Variants in TCERG1L observed in about 807,000 individuals in gnomAD.
TCERG1L encodes transcription elongation regulator 1-like protein.
Under a neutral mutation model 56.3 loss-of-function variants are expected in TCERG1L, and 37 were observed. The observed-to-expected ratio is 0.66, with a 90% CI of 0.51 to 0.87. The LOEUF (loss-of-function observed/expected upper bound fraction) is 0.87, where lower values mean the gene tolerates loss of function less well. Ranked by LOEUF, TCERG1L falls within the 40% of genes least tolerant of loss-of-function variation. The pLI is 0.00. For synonymous variants in TCERG1L, 324 were observed against 326.3 expected (o/e 0.99, Z 0.08); for missense variants, 799 against 774.2 (o/e 1.03, Z -0.38).
chr10:131,232,736 C>T (rs34560759), intron 4 of TCERG1L, among the ~76,000 whole-genome samples: 9,138 of 152,236 alleles, frequency 0.06, 352 homozygotes, highest in Middle Eastern at 0.15. Context: ...GCACAAAACC[C>T]TCCCCTCCTT....
In TCERG1L at chr10:131,105,083, C is replaced by T. The variant is rs1303128144; in HGVS notation, c.1396-729G>A. 3.3e-5 allele frequency among the ~76,000 whole-genome samples: 5 copies of T among 152,346 alleles called. No individual in the cohort carries two copies. The East Asian group carries it at 5.8e-4, about 18-fold the overall frequency. On this transcript the variant is annotated intron_variant, in intron 9 of 11. Coordinates refer to ENST00000368642, the MANE Select transcript of TCERG1L (RefSeq NM_174937.4). Reference sequence around the variant, plus strand: ...TGACAGGGTCTCAGATGGCCCTTGCCGTTGATGACCTTGATGGTTTGAGGA... The same window carrying T: ...TGACAGGGTCTCAGATGGCCCTTGCTGTTGATGACCTTGATGGTTTGAGGA...
chr10:131,238,389 A>G (rs1296749573), intron 4 of TCERG1L, among the ~76,000 whole-genome samples: 1 of 152,206 alleles, frequency 6.6e-6, no homozygotes, highest in African/African-American at 2.4e-5. Flanking sequence ...TGTAACACGC[A>G]GGGCGGGGGT....
At chr10:131,104,381 C>T (rs766912944) in intron 9 of TCERG1L, 27 bp from the exon 10 acceptor site, 16 of 1,464,174 alleles carry the variant, frequency 1.1e-5, no homozygotes, top group Non-Finnish European at 1.5e-5. Context: ...AATAGAGTTG[C>T]TGTTAGCGTC....
Position 131,275,883 on chromosome 10 carries a change from G to A in TCERG1L, c.671-15439C>T, listed in dbSNP as rs1458708224. ...TGGAGATCCAGCACAAGGTCTGGAC[G>A]TGGACGCCTGGGCATGACAACGTGC... On this transcript the variant is annotated intron_variant, in intron 3 of 11. Transcript: ENST00000368642. Among the ~76,000 whole-genome samples the A allele has an allele frequency of 5.3e-5, 8 of 152,286 alleles. No homozygotes were observed. In the East Asian group the frequency reaches 9.7e-4, roughly 18 times the overall value.
chr10:131,236,480 G>A (rs535625805), intron 4 of TCERG1L, among the ~76,000 whole-genome samples: 36 of 152,324 alleles, frequency 2.4e-4, no homozygotes, highest in African/African-American at 8.2e-4. Context: ...CAGGGTCACC[G>A]TGCCCTGTGG....
chr10:131,257,521 A>T (rs1045501508), intron 4 of TCERG1L, among the ~76,000 whole-genome samples: 4 of 152,228 alleles, frequency 2.6e-5, no homozygotes, highest in African/African-American at 7.2e-5. Flanking sequence ...GTAGTGCCAC[A>T]TTAACTCTCC....
At chr10:131,309,407 A>G in intron 1 of TCERG1L, 108 bp from the exon 2 acceptor site, 2 of 1,388,014 alleles carry the variant, frequency 1.4e-6, no homozygotes, top group Middle Eastern at 1.9e-4. Flanking sequence ...TTCAAAATGT[A>G]TGTATTTGAT....
At chr10:131,117,581 C>G (rs1845472158) in intron 8 of TCERG1L, among the ~76,000 whole-genome samples, 1 of 152,194 alleles carries the variant, frequency 6.6e-6, no homozygotes, top group Non-Finnish European at 1.5e-5. Context: ...TGCCAAGGCC[C>G]CGGACACTGT....
intron 3 of TCERG1L, among the ~76,000 whole-genome samples, chr10:131,280,320 C>A (rs1157841189): frequency 1.6e-4 from 23 of 144,536 alleles, no homozygotes; most frequent in Middle Eastern, 4.3e-3. Flanking sequence ...GGCCCTAAGC[C>A]ATTCCCAGCT....
chr10:131,126,459 C>T (rs1378077225), intron 8 of TCERG1L, among the ~76,000 whole-genome samples: 1 of 152,200 alleles, frequency 6.6e-6, no homozygotes, highest in Non-Finnish European at 1.5e-5. Context: ...TGCTGGTGGC[C>T]TCGTTCTGGC....
intron 4 of TCERG1L, among the ~76,000 whole-genome samples, chr10:131,198,752 G>C (rs1363487871): frequency 1.3e-5 from 2 of 149,818 alleles, no homozygotes; most frequent in African/African-American, 2.5e-5. Flanking sequence ...CATTACTCTA[G>C]CAAGGGCTGT....
chr10:131,255,858 G>C (rs909743528), intron 4 of TCERG1L, among the ~76,000 whole-genome samples: 3 of 152,202 alleles, frequency 2.0e-5, no homozygotes, highest in African/African-American at 7.2e-5. Context: ...GGGAAAGTCT[G>C]CACCTTATAC....
intron 4 of TCERG1L, among the ~76,000 whole-genome samples, chr10:131,257,057 A>AAAG (rs1846180998): frequency 6.8e-6 from 1 of 146,732 alleles, no homozygotes; most frequent in African/African-American, 2.5e-5. Context: ...AAGAAAGAAA[A>AAAG]GAAAGAAAGA....
chr10:131,139,639 T>C (rs1409840201), intron 7 of TCERG1L, among the ~76,000 whole-genome samples: 4 of 152,164 alleles, frequency 2.6e-5, no homozygotes, highest in African/African-American at 4.8e-5. Flanking sequence ...GTTTTAAATG[T>C]ATTGTTTTTT....
At chr10:131,171,187 AG>A (rs1443990107) in intron 4 of TCERG1L, among the ~76,000 whole-genome samples, 4 of 109,946 alleles carry the variant, frequency 3.6e-5, no homozygotes, top group Non-Finnish European at 4.4e-5. Flanking sequence ...ACCAAAAAAA[AG>A]AAGAAAGAAA....
At chr10:131,113,707 C>T (rs1480105198) in intron 9 of TCERG1L, among the ~76,000 whole-genome samples, 2 of 141,656 alleles carry the variant, frequency 1.4e-5, no homozygotes, top group African/African-American at 5.0e-5. Context: ...GGAAGCTGGC[C>T]CAGGATCACC....
intron 9 of TCERG1L, 131 bp from the exon 10 acceptor site, chr10:131,104,485 T>C: frequency 1.6e-6 from 1 of 625,792 alleles, no homozygotes; most frequent in Admixed American, 2.4e-5. Flanking sequence ...TTCCGTGATG[T>C]GGTGCAGTAT....
At chr10:131,266,162 T>C (rs957810899) in intron 3 of TCERG1L, among the ~76,000 whole-genome samples, 1 of 152,250 alleles carries the variant, frequency 6.6e-6, no homozygotes, top group African/African-American at 2.4e-5. Flanking sequence ...TAACTCCTTA[T>C]GCGTTAAAGT....
intron 8 of TCERG1L, among the ~76,000 whole-genome samples, chr10:131,119,849 C>T (rs371394948): frequency 6.2e-4 from 94 of 152,292 alleles, no homozygotes; most frequent in South Asian, 1.7e-3. Flanking sequence ...GGCTGCGAGC[C>T]AGGGAGGTAG....
Sources: allele counts gnomAD v4.1 joint callset (sites outside exome capture counted in the v4.1 genomes callset), GRCh38; gene constraint gnomAD v4.1.1; transcripts MANE v1.5; gene names NCBI Gene and HGNC (gene_info 2026-07-23, HGNC 2026-07-21).